The following IFT80 variants were observed in gnomAD, a reference collection of about 807,000 sequenced individuals.
The protein encoded by IFT80 is intraflagellar transport protein 80 homolog.
IFT80 carries 79 observed loss-of-function variants against 107.9 expected under a neutral mutation model. The observed-to-expected ratio is 0.73, with a 90% CI of 0.61 to 0.88. IFT80 has a LOEUF of 0.88. IFT80 is among the 40% of genes least tolerant of loss of function. IFT80 has a pLI of 0.00. For missense variants in IFT80, 797 were observed against 914.2 expected, an observed-to-expected ratio of 0.87 and a Z score of 1.65; for synonymous variants, 299 against 300.9, an observed-to-expected ratio of 0.99 and a Z score of 0.07.
At chr3:160,392,448 C>G (rs1047572761) in intron 1 of IFT80, among the ~76,000 whole-genome samples, 8 of 152,168 alleles carry the variant, frequency 5.3e-5, no homozygotes, top group African/African-American at 1.9e-4. Context: ...TCAAATTTAA[C>G]AAGATCCAAA....
intron 8 of IFT80, among the ~76,000 whole-genome samples, chr3:160,349,710 CAT>C (rs1268462077): frequency 6.6e-6 from 1 of 152,044 alleles, no homozygotes; most frequent in African/African-American, 2.4e-5. Flanking sequence ...TTCAAGAAAA[CAT>C]GTACTTTTTA....
At chr3:160,261,061 C>A (rs1712785842) in intron 19 of IFT80, among the ~76,000 whole-genome samples, 1 of 152,156 alleles carries the variant, frequency 6.6e-6, no homozygotes, top group East Asian at 1.9e-4. Context: ...CATCTGACTT[C>A]AATTATTCCT....
chr3:160,351,231 T>C (rs1470523556), intron 8 of IFT80, among the ~76,000 whole-genome samples: 7 of 151,708 alleles, frequency 4.6e-5, no homozygotes, highest in Non-Finnish European at 7.4e-5. Context: ...TACTTTTTTC[T>C]TGTGGTCATA....
rs764564692 is a variant in IFT80, at chr3:160,277,407, T to A, written c.1998A>T (p.Leu666=). The A allele has an allele frequency of 1.9e-6, 3 of 1,613,008 alleles. No individual in the cohort carries two copies. Among genetic ancestry groups the A allele is most frequent in the Non-Finnish European group, 2.5e-6 (3 of 1,179,132 alleles). ...PSKESKMAHI[L]LFSGNIQEAE... is the part of the protein sequence containing the mutation. ...CCTCCTGTATGTTCCCACTAAACAGTAGTATGTGGGCCATTTTTGATTCTT... is the reference window on the plus strand; with the variant it reads ...CCTCCTGTATGTTCCCACTAAACAGAAGTATGTGGGCCATTTTTGATTCTT... The change falls in exon 18 of 20, where the codon CTA becomes CTT. Residue 666 remains leucine, a synonymous_variant. Transcript: ENST00000326448.
intron 9 of IFT80, among the ~76,000 whole-genome samples, chr3:160,318,220 A>G (rs1353888027): frequency 2.6e-5 from 4 of 151,678 alleles, no homozygotes; most frequent in Non-Finnish European, 5.9e-5. Context: ...ATCTAAATAA[A>G]AAGTTTTATA....
rs531946527 is a variant in IFT80 at position 160,349,361 on chromosome 3, A to C, written c.777+6652T>G. Among the ~76,000 whole-genome samples the C allele has an allele frequency of 1.1e-4, 17 of 152,162 alleles. No homozygotes were observed. The South Asian group carries it at 3.3e-3, about 30-fold the overall frequency. ...CTACTCGGGAGGCTGAGGCAGGAGA[A>C]TCTCTTGAACCCAGGAGGCAGAGGT... On this transcript the variant is annotated intron_variant, in intron 8 of 19. Coordinates refer to ENST00000326448, the MANE Select transcript of IFT80 (RefSeq NM_020800.3).
At chr3:160,361,247 T>A (rs2108368946) in intron 6 of IFT80, among the ~76,000 whole-genome samples, 1 of 152,254 alleles carries the variant, frequency 6.6e-6, no homozygotes, top group South Asian at 2.1e-4. Context: ...TTAAACAGAC[T>A]TTAAACCAAC....
chr3:160,397,997 A>G (rs929536772), intron 1 of IFT80, among the ~76,000 whole-genome samples: 1 of 152,096 alleles, frequency 6.6e-6, no homozygotes, highest in Non-Finnish European at 1.5e-5. Context: ...CAGGTTTTGT[A>G]GTGTTTTACA....
intron 8 of IFT80, among the ~76,000 whole-genome samples, chr3:160,346,652 C>G (rs1720316398): frequency 6.6e-6 from 1 of 151,838 alleles, no homozygotes; most frequent in Non-Finnish European, 1.5e-5. Context: ...CTGACTTTTC[C>G]AAACTATTTT....
chr3:160,383,560 T>C, intron 2 of IFT80: 1 of 807,054 alleles, frequency 1.2e-6, no homozygotes, highest in Non-Finnish European at 1.5e-6. Flanking sequence ...AAAAATAAAA[T>C]ATTAGAAAAA....
chr3:160,382,115 T>G (rs896879959), intron 2 of IFT80, among the ~76,000 whole-genome samples: 12 of 152,188 alleles, frequency 7.9e-5, no homozygotes, highest in Admixed American at 2.0e-4. Context: ...GGAACTATAC[T>G]TTTTTCTTTA....
At chr3:160,268,603 G>A in intron 18 of IFT80, 67 bp from the exon 19 acceptor site, 2 of 1,469,814 alleles carry the variant, frequency 1.4e-6, no homozygotes, top group Non-Finnish European at 1.9e-6. Context: ...GTAGAGTTCT[G>A]GAGTTGGGGA....
chr3:160,319,166 A>C (rs1313025194), intron 9 of IFT80, among the ~76,000 whole-genome samples: 1 of 152,014 alleles, frequency 6.6e-6, no homozygotes, highest in African/African-American at 2.4e-5. Context: ...ACTTACATTA[A>C]ATCAATTTAT....
At chr3:160,276,879 A>G (rs1714307417) in intron 18 of IFT80, among the ~76,000 whole-genome samples, 1 of 152,130 alleles carries the variant, frequency 6.6e-6, no homozygotes, top group Admixed American at 6.6e-5. Flanking sequence ...TCTTGCTTCA[A>G]CTACTATCCA....
intron 12 of IFT80, among the ~76,000 whole-genome samples, chr3:160,290,040 C>T (rs1367567927): frequency 6.6e-6 from 1 of 152,118 alleles, no homozygotes; most frequent in Non-Finnish European, 1.5e-5. Context: ...TTTATGTGAA[C>T]AGGCTGTGTC....
At chr3:160,277,743 A>G in intron 16 of IFT80, 73 bp from the exon 17 acceptor site, 1 of 904,536 alleles carries the variant, frequency 1.1e-6, no homozygotes, top group Non-Finnish European at 1.8e-6. Flanking sequence ...TGATTTAAAT[A>G]CTCATACTAA....
At position 160,258,372 on chromosome 3, in the gene IFT80, A is replaced by T. The variant is rs1160002966; in HGVS notation, c.*153T>A. The T allele has an allele frequency of 1.1e-6, 1 of 898,850 alleles. No homozygotes were observed. The highest frequency in any genetic ancestry group is 1.7e-6 in the Non-Finnish European group (1 of 592,026). The allele number at this position is 898,850 out of a possible 1,614,324, so 55.7% of individuals were successfully genotyped here. A position where few individuals can be genotyped will look rare whatever the true frequency, so the allele number is the denominator to read the frequency against. ...AAATACATCAATTACTTTGTGTTTC[A>T]TCTTTCTGCATGTACTTTTACACTA... On this transcript the variant is annotated 3_prime_UTR_variant, in exon 20 of 20. Transcript: ENST00000326448.
At chr3:160,381,058 G>A (rs1348941738) in intron 3 of IFT80, among the ~76,000 whole-genome samples, 2 of 151,442 alleles carry the variant, frequency 1.3e-5, no homozygotes, top group African/African-American at 4.9e-5. Flanking sequence ...AACAAGATGA[G>A]ACCCTGTCTC....
intron 8 of IFT80, among the ~76,000 whole-genome samples, chr3:160,354,654 AAAAT>A (rs1034718229): frequency 6.6e-5 from 10 of 152,230 alleles, no homozygotes; most frequent in South Asian, 6.2e-4. Flanking sequence ...CTCCGTCTCA[AAAAT>A]AAATAAATAA....
Sources: gnomAD v4.1 joint callset for allele counts (sites outside exome capture counted in the v4.1 genomes callset) on GRCh38, gnomAD v4.1.1 for gene constraint, MANE v1.5 for transcripts, NCBI Gene and HGNC (gene_info 2026-07-23, HGNC 2026-07-21) for gene names.